The following HPSE2 variants were observed in gnomAD, a reference collection of about 807,000 sequenced individuals.
The protein encoded by HPSE2 is heparanase 2 (inactive), also known as inactive heparanase-2.
A neutral mutation model predicts 60.5 loss-of-function variants in HPSE2; 38 were observed. That is an observed-to-expected ratio of 0.63 (90% CI 0.48 to 0.82). HPSE2 has a LOEUF of 0.82. Among genes scored for constraint, HPSE2 ranks in the 40% least tolerant of loss-of-function variants. The pLI, the probability that HPSE2 is intolerant of heterozygous loss-of-function variation, is 0.00. For missense variants in HPSE2, 713 were observed against 740.4 expected (o/e 0.96, Z 0.43); for synonymous variants, 295 against 293.2 (o/e 1.01, Z -0.06).
intron 3 of HPSE2, among the ~76,000 whole-genome samples, chr10:98,746,724 T>C (rs1298891950): frequency 1.3e-5 from 2 of 151,970 alleles, no homozygotes; most frequent in African/African-American, 4.8e-5. Context: ...CTCAGTAGTA[T>C]TGATACAACA....
intron 2 of HPSE2, 100 bp downstream of exon 2, chr10:99,232,248 C>CGA: frequency 1.5e-6 from 2 of 1,375,258 alleles, no homozygotes; most frequent in East Asian, 2.5e-5. Flanking sequence ...CACACACACA[C>CGA]ACACACACGA....
intron 3 of HPSE2, among the ~76,000 whole-genome samples, chr10:98,934,690 C>G (rs950523537): frequency 6.3e-5 from 9 of 143,826 alleles, no homozygotes; most frequent in Non-Finnish European, 8.9e-5. Flanking sequence ...CCTGGCCTTT[C>G]TCTCTTAGTG....
At chr10:99,070,416 C>G (rs748702660) in intron 3 of HPSE2, among the ~76,000 whole-genome samples, 2 of 152,168 alleles carry the variant, frequency 1.3e-5, no homozygotes, top group Non-Finnish European at 2.9e-5. Context: ...CAGTGAGATA[C>G]TACTACCTAT....
At chr10:98,595,751 G>A (rs1241476386) in intron 9 of HPSE2, among the ~76,000 whole-genome samples, 3 of 152,128 alleles carry the variant, frequency 2.0e-5, no homozygotes, top group Non-Finnish European at 4.4e-5. Context: ...GAGTAGAAAT[G>A]GTGAGAGTGG....
intron 3 of HPSE2, among the ~76,000 whole-genome samples, chr10:98,872,354 G>T (rs1007075282): frequency 6.6e-6 from 1 of 152,056 alleles, no homozygotes; most frequent in African/African-American, 2.4e-5. Context: ...TTCAACATGA[G>T]ATATATAATA....
chr10:99,304,002 A>G, the HPSE2 span, among the ~76,000 whole-genome samples: 1 of 152,196 alleles, frequency 6.6e-6, no homozygotes, highest in African/African-American at 2.4e-5. Context: ...TTAGGCATCC[A>G]GAGATTTTTT....
chr10:98,611,415 A>G (rs1945755449), intron 9 of HPSE2, among the ~76,000 whole-genome samples: 1 of 152,208 alleles, frequency 6.6e-6, no homozygotes, highest in Non-Finnish European at 1.5e-5. Flanking sequence ...TTGAAGAGCC[A>G]TAAGGCCAGG....
intron 6 of HPSE2, among the ~76,000 whole-genome samples, chr10:98,674,322 C>A (rs142843776): frequency 1.3e-5 from 2 of 152,180 alleles, no homozygotes; most frequent in East Asian, 1.9e-4. Flanking sequence ...CTCTTTTATT[C>A]TAAAATGAAG....
At chr10:99,217,882 GC>G (rs1849187262) in intron 2 of HPSE2, among the ~76,000 whole-genome samples, 1 of 151,790 alleles carries the variant, frequency 6.6e-6, no homozygotes, top group South Asian at 2.1e-4. Context: ...CACTGTGCCT[GC>G]CCCCAATATT....
At chr10:98,880,941 C>A (rs1402418030) in intron 3 of HPSE2, among the ~76,000 whole-genome samples, 2 of 152,024 alleles carry the variant, frequency 1.3e-5, no homozygotes, top group African/African-American at 4.8e-5. Context: ...ATTGGTTAAT[C>A]CTCTCTACTA....
the HPSE2 span, among the ~76,000 whole-genome samples, chr10:99,260,772 G>A: frequency 6.6e-6 from 1 of 152,166 alleles, no homozygotes; most frequent in East Asian, 1.9e-4. Flanking sequence ...TGCAGCCCAG[G>A]GCTGCTCACC....
Position 98,721,630 on chromosome 10 carries a change from T to C in HPSE2, c.956+27A>G, listed in dbSNP as rs756351887. The C allele has an allele frequency of 2.5e-6, 4 of 1,603,434 alleles. No homozygotes were observed. In the African/African-American group the frequency reaches 5.4e-5, roughly 21 times the overall value. On this transcript the variant is annotated intron_variant, in intron 5 of 11. Transcript: ENST00000370552. ...TTAATTCATTAAATGAACAATGTCA[T>C]AAGAAAAGCTAAATAATCTGACCTA...
chr10:99,306,016 A>ACACACAC, the HPSE2 span, among the ~76,000 whole-genome samples: 15 of 37,656 alleles, frequency 4.0e-4, no homozygotes, highest in East Asian at 8.8e-3. Context: ...CACACACACC[A>ACACACAC]GACTGCTGGG....
At chr10:99,003,776 T>G (rs1956829760) in intron 3 of HPSE2, among the ~76,000 whole-genome samples, 1 of 152,198 alleles carries the variant, frequency 6.6e-6, no homozygotes, top group South Asian at 2.1e-4. Flanking sequence ...CTATAGGTTC[T>G]TTCAACATTC....
chr10:99,025,020 A>C (rs1347349781), intron 3 of HPSE2, among the ~76,000 whole-genome samples: 1 of 152,190 alleles, frequency 6.6e-6, no homozygotes, highest in Non-Finnish European at 1.5e-5. Flanking sequence ...AAAAACACAG[A>C]ATATTATAAC....
At chr10:99,240,571 C>T (rs1472002164), upstream of HPSE2, among the ~76,000 whole-genome samples, 3 of 151,868 alleles carry the variant, frequency 2.0e-5, no homozygotes, top group East Asian at 1.9e-4. Flanking sequence ...CCACCATGCC[C>T]GGCTAATTTT....
intron 3 of HPSE2, among the ~76,000 whole-genome samples, chr10:99,139,990 G>C (rs1198049318): frequency 6.6e-6 from 1 of 152,102 alleles, no homozygotes; most frequent in Non-Finnish European, 1.5e-5. Flanking sequence ...TCACTCTATA[G>C]TATTTTAATA....
the HPSE2 span, among the ~76,000 whole-genome samples, chr10:99,269,093 A>G: frequency 6.6e-6 from 1 of 151,946 alleles, no homozygotes. Flanking sequence ...TGGGAGGCAG[A>G]GGTTGCAGTG....
Position 98,572,220 on chromosome 10 carries a change from G to A in HPSE2, c.1320+42684C>T, listed in dbSNP as rs144099776. ...CTCCCAAAGTGCTGGGATTACAGGC[G>A]TGAGCCACTGTGCCTGGCCTTTTCT... On this transcript the variant is annotated intron_variant, in intron 9 of 11. Transcript: ENST00000370552. 3.0e-3 allele frequency among the ~76,000 whole-genome samples: 449 copies of A among 152,184 alleles called. 3 individuals are homozygous for A. The highest frequency in any genetic ancestry group is 0.01 in the African/African-American group (429 of 41,540).
Sources: gnomAD v4.1 joint callset for allele counts (sites outside exome capture counted in the v4.1 genomes callset) on GRCh38, gnomAD v4.1.1 for gene constraint, MANE v1.5 for transcripts, NCBI Gene and HGNC (gene_info 2026-07-23, HGNC 2026-07-21) for gene names.